The following STPG2 variants were observed in gnomAD, a reference collection of about 807,000 sequenced individuals.
The protein encoded by STPG2 is sperm-tail PG-rich repeat-containing protein 2.
In STPG2, 56 loss-of-function variants were observed where a neutral mutation model predicts 54.2. That is an observed-to-expected ratio of 1.03 (90% CI 0.83 to 1.29). The LOEUF (loss-of-function observed/expected upper bound fraction) is 1.29. STPG2 is among the 50% of genes most tolerant of loss of function. The pLI is 0.00. For synonymous variants in STPG2, 200 were observed against 181.8 expected, an observed-to-expected ratio of 1.10 and a Z score of -0.81; for missense variants, 596 against 544.9, an observed-to-expected ratio of 1.09 and a Z score of -0.93.
At chr4:97,949,064 A>C (rs1733362308) in intron 7 of STPG2, among the ~76,000 whole-genome samples, 1 of 152,112 alleles carries the variant, frequency 6.6e-6, no homozygotes, top group Non-Finnish European at 1.5e-5. Flanking sequence ...TAAGTCAAGT[A>C]GTAATTGTTT....
chr4:97,723,121 C>A (rs1309754119), intron 9 of STPG2, among the ~76,000 whole-genome samples: 1 of 151,872 alleles, frequency 6.6e-6, no homozygotes, highest in South Asian at 2.1e-4. Flanking sequence ...CGAGTCCCTG[C>A]CAATTTTAAA....
At chr4:98,025,437 T>C in intron 5 of STPG2, 1 of 446,630 alleles carries the variant, frequency 2.2e-6, no homozygotes, top group South Asian at 1.9e-5. Context: ...AGATACCAAG[T>C]GAAATTTAGA....
chr4:98,000,790 T>C (rs962111437), intron 5 of STPG2, among the ~76,000 whole-genome samples: 1 of 152,170 alleles, frequency 6.6e-6, no homozygotes, highest in East Asian at 1.9e-4. Context: ...TTAGGGTATA[T>C]GCCATTCAAA....
chr4:97,745,274 A>G (rs899954100), intron 9 of STPG2, among the ~76,000 whole-genome samples: 1 of 149,360 alleles, frequency 6.7e-6, no homozygotes, highest in African/African-American at 2.5e-5. Flanking sequence ...AAAAAAAAAA[A>G]CAATTGCAGA....
chr4:97,697,548 G>A (rs936138620), intron 10 of STPG2, among the ~76,000 whole-genome samples: 2 of 152,212 alleles, frequency 1.3e-5, no homozygotes, highest in African/African-American at 2.4e-5. Context: ...TGATTCCTGC[G>A]AGAAGTAGCT....
intron 8 of STPG2, among the ~76,000 whole-genome samples, chr4:97,931,259 GAC>G (rs1450466640): frequency 6.6e-6 from 1 of 152,168 alleles, no homozygotes; most frequent in Non-Finnish European, 1.5e-5. Flanking sequence ...CTTGTCTTGT[GAC>G]AGTTTTCAAA....
intron 5 of STPG2, among the ~76,000 whole-genome samples, chr4:98,074,254 T>C (rs1433194292): frequency 1.3e-5 from 2 of 152,214 alleles, no homozygotes; most frequent in Non-Finnish European, 2.9e-5. Flanking sequence ...TAATATTCCA[T>C]TGTCTTCTGG....
intron 7 of STPG2, among the ~76,000 whole-genome samples, chr4:97,963,496 T>C (rs528146735): frequency 6.6e-6 from 1 of 151,710 alleles, no homozygotes; most frequent in Non-Finnish European, 1.5e-5. Flanking sequence ...CTATGAAAAA[T>C]TTTTTTAAAA....
intron 7 of STPG2, among the ~76,000 whole-genome samples, chr4:97,968,683 A>C (rs1271128064): frequency 6.6e-6 from 1 of 152,186 alleles, no homozygotes; most frequent in Non-Finnish European, 1.5e-5. Context: ...CAATGACAAA[A>C]ACCACATGAT....
intron 9 of STPG2, among the ~76,000 whole-genome samples, chr4:97,778,819 A>T (rs1726483248): frequency 6.6e-6 from 1 of 152,212 alleles, no homozygotes; most frequent in Non-Finnish European, 1.5e-5. Flanking sequence ...CCAGGCAAAT[A>T]GAGCCTGGAG....
chr4:97,758,136 G>T lies in STPG2; in HGVS notation c.1205-45322C>A, dbSNP rs188970404. Reference sequence around the variant, plus strand: ...TTAAGAGGTAGTGACAGGTATTTCAGGAAAAATAATTTTTGTTTATTAAAG... The same window carrying T: ...TTAAGAGGTAGTGACAGGTATTTCATGAAAAATAATTTTTGTTTATTAAAG... On this transcript the variant is annotated intron_variant, in intron 9 of 10. Coordinates refer to ENST00000295268, the MANE Select transcript of STPG2 (RefSeq NM_174952.3). Among the ~76,000 whole-genome samples the T allele has an allele frequency of 2.6e-5, 4 of 152,188 alleles. No homozygotes were observed. In the East Asian group the frequency reaches 7.7e-4, roughly 29 times the overall value.
chr4:97,739,734 C>A (rs1288613039), intron 9 of STPG2, among the ~76,000 whole-genome samples: 1 of 152,106 alleles, frequency 6.6e-6, no homozygotes, highest in African/African-American at 2.4e-5. Context: ...AGTTTACCAA[C>A]CAAAAAGAGT....
At chr4:97,530,253 A>T (rs975649212) in intron 4 of STPG2, among the ~76,000 whole-genome samples, 1 of 152,192 alleles carries the variant, frequency 6.6e-6, no homozygotes. Context: ...GATAATACAG[A>T]TAGTTTCAGA....
At chr4:98,101,647 A>T (rs182912855) in intron 5 of STPG2, among the ~76,000 whole-genome samples, 1,600 of 152,258 alleles carry the variant, frequency 0.011, 15 homozygotes, top group African/African-American at 0.029. Context: ...GAGCTTTGTA[A>T]ACAGAACTAA....
intron 4 of STPG2, among the ~76,000 whole-genome samples, chr4:97,537,969 C>T (rs1338143310): frequency 2.0e-5 from 3 of 152,196 alleles, no homozygotes; most frequent in African/African-American, 7.2e-5. Context: ...TCCAACAGAC[C>T]TGCAGCTGAG....
At chr4:97,874,297 C>A (rs1730098233) in intron 8 of STPG2, among the ~76,000 whole-genome samples, 1 of 151,498 alleles carries the variant, frequency 6.6e-6, no homozygotes, top group Admixed American at 6.6e-5. Context: ...CTGTGGTTTT[C>A]TCTGTGTTTT....
intron 10 of STPG2, among the ~76,000 whole-genome samples, chr4:97,618,850 T>C (rs978792465): frequency 6.6e-6 from 1 of 152,218 alleles, no homozygotes; most frequent in Non-Finnish European, 1.5e-5. Context: ...CTTTTATTGT[T>C]ATGAGTTGTT....
At chr4:97,849,292 C>T (rs187929487) in intron 8 of STPG2, among the ~76,000 whole-genome samples, 9 of 150,064 alleles carry the variant, frequency 6.0e-5, no homozygotes, top group Non-Finnish European at 9.0e-5. Context: ...CATGATTAAA[C>T]GTTAGACCTA....
intron 8 of STPG2, among the ~76,000 whole-genome samples, chr4:97,862,202 G>GTA (rs1729576257): frequency 6.6e-6 from 1 of 151,182 alleles, no homozygotes; most frequent in Non-Finnish European, 1.5e-5. Context: ...TTGAGCCTAT[G>GTA]TGTGTGTGCA....
Sources: gnomAD v4.1 joint callset for allele counts (sites outside exome capture counted in the v4.1 genomes callset) on GRCh38, gnomAD v4.1.1 for gene constraint, MANE v1.5 for transcripts, NCBI Gene and HGNC (gene_info 2026-07-23, HGNC 2026-07-21) for gene names.